Variants in GRID1 observed in about 807,000 individuals in gnomAD.
GRID1 encodes glutamate ionotropic receptor delta type subunit 1, also known as glutamate receptor ionotropic, delta-1.
In GRID1, 28 loss-of-function variants were observed where a neutral mutation model predicts 98.0. The ratio of observed to expected loss-of-function variants is 0.29; its 90% CI spans 0.21 to 0.39. The LOEUF (loss-of-function observed/expected upper bound fraction) is 0.39, where lower values mean the gene tolerates loss of function less well. Among genes scored for constraint, GRID1 ranks in the 10% least tolerant of loss-of-function variants. The pLI, the probability that GRID1 is intolerant of heterozygous loss-of-function variation, is 1.00. For synonymous variants in GRID1, 553 were observed against 538.5 expected (o/e 1.03, Z -0.37); for missense variants, 1,111 against 1,340.5 (o/e 0.83, Z 2.67).
chr10:85,749,865 C>T (rs1251360248), intron 8 of GRID1, among the ~76,000 whole-genome samples: 1 of 152,226 alleles, frequency 6.6e-6, no homozygotes, highest in Non-Finnish European at 1.5e-5. Flanking sequence ...CCTAAGTAGA[C>T]TCCCCTACTA....
intron 2 of GRID1, among the ~76,000 whole-genome samples, chr10:86,362,548 C>G (rs1848613853): frequency 6.6e-6 from 1 of 152,162 alleles, no homozygotes. Context: ...ACTTGGGACT[C>G]CCGGTTTGTA....
intron 8 of GRID1, among the ~76,000 whole-genome samples, chr10:85,802,202 C>T (rs907624812): frequency 6.6e-6 from 1 of 151,896 alleles, no homozygotes; most frequent in African/African-American, 2.4e-5. Flanking sequence ...AAATGCTAAT[C>T]AAAAAAGCAA....
intron 4 of GRID1, among the ~76,000 whole-genome samples, chr10:85,933,817 G>A (rs1167986041): frequency 1.3e-5 from 2 of 152,146 alleles, no homozygotes; most frequent in South Asian, 2.1e-4. Flanking sequence ...CAGTAACCTC[G>A]GGATTGACAT....
chr10:86,230,038 C>A (rs973368558), intron 2 of GRID1, among the ~76,000 whole-genome samples: 7 of 152,212 alleles, frequency 4.6e-5, no homozygotes, highest in African/African-American at 1.7e-4. Flanking sequence ...GAGTAACAGC[C>A]TCCAGGTATC....
intron 2 of GRID1, among the ~76,000 whole-genome samples, chr10:86,305,090 T>C (rs955604036): frequency 1.3e-5 from 2 of 149,954 alleles, no homozygotes; most frequent in African/African-American, 2.5e-5. Context: ...GTAGGTCTTA[T>C]CAGCTGAAGG....
rs1416812492 is a variant in GRID1 at position 85,986,273 on chromosome 10, C to T, written c.727-70034G>A. ...TGAAAGGTAATGAAGTTGTCTCAGACCGCTTTTGTCTTAAAGGCAACTACC... is the reference window on the plus strand; with the variant it reads ...TGAAAGGTAATGAAGTTGTCTCAGATCGCTTTTGTCTTAAAGGCAACTACC... On this transcript the variant is annotated intron_variant, in intron 4 of 15. Coordinates refer to ENST00000327946, the MANE Select transcript of GRID1 (RefSeq NM_017551.3). Among the ~76,000 whole-genome samples, 5 of 152,226 alleles carry T rather than the reference C, an allele frequency of 3.3e-5. No homozygotes were observed. In the East Asian group the frequency reaches 7.7e-4, roughly 23 times the overall value.
intron 12 of GRID1, among the ~76,000 whole-genome samples, chr10:85,676,648 G>T (rs945104261): frequency 6.6e-6 from 1 of 152,174 alleles, no homozygotes; most frequent in African/African-American, 2.4e-5. Context: ...ACAGCAAAGG[G>T]AAGCTGGGAA....
chr10:85,943,231 A>C (rs1212641284), intron 4 of GRID1, among the ~76,000 whole-genome samples: 1 of 152,198 alleles, frequency 6.6e-6, no homozygotes, highest in African/African-American at 2.4e-5. Context: ...ACTTTACAGA[A>C]ATAACATTTG....
chr10:86,114,420 C>T (rs1205992755), intron 4 of GRID1, among the ~76,000 whole-genome samples: 1 of 152,200 alleles, frequency 6.6e-6, no homozygotes, highest in Non-Finnish European at 1.5e-5. Context: ...AGTGCTCCCA[C>T]AGCCCTGTGA....
At position 85,916,921 on chromosome 10, in the gene GRID1, T is replaced by G. The variant is rs1352314698; in HGVS notation, c.727-682A>C. Among the ~76,000 whole-genome samples the G allele has an allele frequency of 6.6e-6, 1 of 152,258 alleles. No individual in the cohort carries two copies. Among genetic ancestry groups the G allele is most frequent in the Non-Finnish European group, 1.5e-5 (1 of 68,048 alleles). ...TCTTATTGTCTATCTCCTCTGCCAT[T>G]ATGTCAAAGGCCATATCTCCTAGGT... On this transcript the variant is annotated intron_variant, in intron 4 of 15. Transcript: ENST00000327946. This position sits in a 1 kb window ranked among gnomAD's most constrained non-coding sequence, Gnocchi z 4.0.
At chr10:85,770,527 T>G (rs2949381) in intron 8 of GRID1, among the ~76,000 whole-genome samples, 104,707 of 152,030 alleles carry the variant, frequency 0.69, 36,266 homozygotes, top group East Asian at 0.87. Flanking sequence ...AAACTACTCC[T>G]AGCTACAGGA....
intron 2 of GRID1, among the ~76,000 whole-genome samples, chr10:86,212,101 C>T (rs186567851): frequency 6.0e-4 from 91 of 152,318 alleles, no homozygotes; most frequent in Middle Eastern, 3.4e-3. Context: ...TCTCCATCCC[C>T]GTGGGGATTT....
intron 12 of GRID1, among the ~76,000 whole-genome samples, chr10:85,663,252 C>T (rs59194424): frequency 0.016 from 2,399 of 152,212 alleles, 64 homozygotes; most frequent in African/African-American, 0.054. Flanking sequence ...TCCAGTACCA[C>T]GAGTGTCCTT....
At chr10:86,184,437 G>T (rs1293891057) in intron 3 of GRID1, among the ~76,000 whole-genome samples, 1 of 147,536 alleles carries the variant, frequency 6.8e-6, no homozygotes, top group African/African-American at 2.5e-5. Context: ...TACAGGCAAG[G>T]TGATTGTAGT....
chr10:85,775,492 A>T (rs1453804959), intron 8 of GRID1, among the ~76,000 whole-genome samples: 1 of 152,026 alleles, frequency 6.6e-6, no homozygotes, highest in African/African-American at 2.4e-5. Flanking sequence ...ATAAAATAAA[A>T]TTTAAAAAAA....
At chr10:86,316,268 AT>A (rs1295528290) in intron 2 of GRID1, among the ~76,000 whole-genome samples, 1 of 152,204 alleles carries the variant, frequency 6.6e-6, no homozygotes, top group East Asian at 1.9e-4. Context: ...CATTCTGCAC[AT>A]TTGGCCAGTA....
Position 85,802,656 on chromosome 10 carries a change from C to A in GRID1, c.1233+51840G>T, listed in dbSNP as rs113573564. On this transcript the variant is annotated intron_variant, in intron 8 of 15. Transcript: ENST00000327946. ...GAAGAACTCCTAATCCTGGTCATAA[C>A]AGAGGAACTGGTACTAGCACTTCCA... 4.5e-3 allele frequency among the ~76,000 whole-genome samples: 687 copies of A among 151,974 alleles called. 2 individuals are homozygous for A. Among genetic ancestry groups the A allele is most frequent in the African/African-American group, 0.015 (638 of 41,490 alleles).
At chr10:86,010,974 CT>C (rs1269072750) in intron 4 of GRID1, among the ~76,000 whole-genome samples, 1 of 151,944 alleles carries the variant, frequency 6.6e-6, no homozygotes, top group Non-Finnish European at 1.5e-5. Context: ...CTATAGAAAC[CT>C]TTAAAGGAGT....
chr10:85,708,117 A>T (rs1370745819), intron 12 of GRID1, among the ~76,000 whole-genome samples: 12 of 116,706 alleles, frequency 1.0e-4, no homozygotes, highest in South Asian at 8.4e-4. Context: ...GTATAATAAA[A>T]AAAAAAAAAA....
Sources: allele counts gnomAD v4.1 joint callset (sites outside exome capture counted in the v4.1 genomes callset), GRCh38; gene constraint gnomAD v4.1.1; non-coding constraint Gnocchi (gnomAD v3.1); transcripts MANE v1.5; gene names NCBI Gene and HGNC (gene_info 2026-07-23, HGNC 2026-07-21).